The following DET1 variants were observed in gnomAD, a reference collection of about 807,000 sequenced individuals.
The protein encoded by DET1 is DET1 partner of COP1 E3 ubiquitin ligase.
Under a neutral mutation model 43.7 loss-of-function variants are expected in DET1, and 22 were observed. The ratio of observed to expected loss-of-function variants is 0.50; its 90% CI spans 0.36 to 0.72. The LOEUF (loss-of-function observed/expected upper bound fraction) is 0.72, where lower values mean the gene tolerates loss of function less well. Among genes scored for constraint, DET1 ranks in the 30% least tolerant of loss-of-function variants. The pLI is 0.00. For synonymous variants in DET1, 315 were observed against 266.2 expected, an observed-to-expected ratio of 1.18 and a Z score of -1.79; for missense variants, 713 against 713.3, an observed-to-expected ratio of 1.00 and a Z score of 0.00.
intron 1 of DET1, chr15:88,536,354 G>A (rs1299458588): frequency 1.3e-6 from 1 of 779,026 alleles, no homozygotes. Context: ...CAGGGAACTG[G>A]TCTAATTCCT....
intron 3 of DET1, among the ~76,000 whole-genome samples, chr15:88,524,955 T>TA (rs963595303): frequency 6.6e-6 from 1 of 151,632 alleles, no homozygotes; most frequent in Non-Finnish European, 1.5e-5. Context: ...TAAATACTAT[T>TA]AAAAAAAAAT....
chr15:88,542,651 A>C (rs2057140558), intron 1 of DET1, among the ~76,000 whole-genome samples: 3 of 152,186 alleles, frequency 2.0e-5, no homozygotes, highest in African/African-American at 7.2e-5. Context: ...GAGTATGAAA[A>C]CAGAAACAAG....
intron 7 of DET1, among the ~76,000 whole-genome samples, chr15:88,505,975 A>T (rs1400999372): frequency 6.6e-6 from 1 of 152,118 alleles, no homozygotes; most frequent in African/African-American, 2.4e-5. Context: ...ATGGGTGGGC[A>T]GGGGTTGGGC....
intron 1 of DET1, among the ~76,000 whole-genome samples, chr15:88,535,519 G>T (rs1473360042): frequency 6.6e-6 from 1 of 152,150 alleles, no homozygotes; most frequent in Non-Finnish European, 1.5e-5. Flanking sequence ...ACTTTGGGAG[G>T]CTGAGATGGG....
chr15:88,540,280 C>G (rs1028319441), intron 1 of DET1, among the ~76,000 whole-genome samples: 1 of 152,156 alleles, frequency 6.6e-6, no homozygotes, highest in Non-Finnish European at 1.5e-5. Flanking sequence ...AGGCTGGCCT[C>G]TAGTCCCCCT....
At chr15:88,538,169 T>C (rs771878420) in intron 1 of DET1, among the ~76,000 whole-genome samples, 45 of 152,088 alleles carry the variant, frequency 3.0e-4, no homozygotes, top group Non-Finnish European at 3.8e-4. Context: ...AACTCTGTTT[T>C]TAGACTCTCC....
chr15:88,515,809 G>T (rs1290904941), intron 4 of DET1, among the ~76,000 whole-genome samples: 1 of 151,948 alleles, frequency 6.6e-6, no homozygotes, highest in Non-Finnish European at 1.5e-5. Context: ...GGGAGTAGGG[G>T]TCGTGATGGA....
chr15:88,523,118 AG>A (rs2056547829), intron 3 of DET1, among the ~76,000 whole-genome samples: 6 of 151,156 alleles, frequency 4.0e-5, no homozygotes, highest in Admixed American at 2.0e-4. Context: ...TCAAGCGATC[AG>A]TCCACGCCAA....
At chr15:88,533,677 CACAA>C (rs1413771362) in intron 1 of DET1, among the ~76,000 whole-genome samples, 6 of 151,718 alleles carry the variant, frequency 4.0e-5, no homozygotes, top group Admixed American at 1.3e-4. Context: ...ATAAGCCAAT[CACAA>C]ACAGACAAAT....
chr15:88,506,233 C>T (rs1198473657), intron 7 of DET1, among the ~76,000 whole-genome samples: 1 of 152,198 alleles, frequency 6.6e-6, no homozygotes, highest in Non-Finnish European at 1.5e-5. Context: ...AGAGGAGAAA[C>T]AGACGTGCTA....
chr15:88,531,942 C>T lies in DET1; in HGVS notation c.-10-227G>A. ...GGATCTAGTTCACTAGGAATACCTTCCAAGTATGCTCAGCTGTTGGGAAAG... is the reference window on the plus strand; with the variant it reads ...GGATCTAGTTCACTAGGAATACCTTTCAAGTATGCTCAGCTGTTGGGAAAG... On this transcript the variant is annotated intron_variant, in intron 1 of 4. Coordinates refer to ENST00000268148, the MANE Select transcript of DET1 (RefSeq NM_001144074.3). This position sits in a 1 kb window ranked among gnomAD's most constrained non-coding sequence, Gnocchi z 6.2. 2.0e-6 allele frequency: 1 copy of T among 504,850 alleles called. No homozygotes were observed. 31.3% of individuals were successfully genotyped at this position (504,850 alleles called of 1,614,324 possible). A position where few individuals can be genotyped will look rare whatever the true frequency, so the allele number is the denominator to read the frequency against.
chr15:88,525,703 C>T (rs1380676185), intron 3 of DET1, among the ~76,000 whole-genome samples: 1 of 151,994 alleles, frequency 6.6e-6, no homozygotes, highest in East Asian at 1.9e-4. Context: ...GCTCTGTCAC[C>T]CAGGCTGGAG....
downstream of DET1, among the ~76,000 whole-genome samples, chr15:88,508,276 C>T (rs554004331): frequency 1.3e-4 from 20 of 152,268 alleles, no homozygotes; most frequent in Admixed American, 2.6e-4. Flanking sequence ...TTCCCCTGTG[C>T]CCAACCTGTG....
intron 3 of DET1, among the ~76,000 whole-genome samples, chr15:88,517,274 G>A (rs938587952): frequency 6.9e-6 from 1 of 144,928 alleles, no homozygotes. Flanking sequence ...TGCCCAGGCT[G>A]GAGTACAGTG....
intron 2 of DET1, among the ~76,000 whole-genome samples, chr15:88,530,301 G>T (rs971341181): frequency 6.6e-6 from 1 of 152,162 alleles, no homozygotes; most frequent in African/African-American, 2.4e-5. Context: ...ATCAAGGGAG[G>T]TTATCCATAA....
At chr15:88,514,525 A>C (rs1306655037) in intron 4 of DET1, among the ~76,000 whole-genome samples, 1 of 152,246 alleles carries the variant, frequency 6.6e-6, no homozygotes, top group Non-Finnish European at 1.5e-5. Context: ...TAATGTAAAA[A>C]TGTAGAAAGA....
intron 1 of DET1, among the ~76,000 whole-genome samples, chr15:88,539,434 C>A (rs1373981257): frequency 6.7e-6 from 1 of 148,400 alleles, no homozygotes; most frequent in Non-Finnish European, 1.5e-5. Context: ...CGGGAGGGCC[C>A]CCCCTTGTCT....
At chr15:88,513,554 ACATTT>A (rs1304008199) in intron 4 of DET1, among the ~76,000 whole-genome samples, 2 of 152,072 alleles carry the variant, frequency 1.3e-5, no homozygotes, top group Non-Finnish European at 2.9e-5. Context: ...TTTTAATAAT[ACATTT>A]CATTTACTCC....
At chr15:88,519,799 A>G (rs1359091830) in intron 3 of DET1, among the ~76,000 whole-genome samples, 3 of 152,102 alleles carry the variant, frequency 2.0e-5, no homozygotes, top group Non-Finnish European at 4.4e-5. Flanking sequence ...GAAAAAACAT[A>G]CAATGCTCAC....
Sources: gnomAD v4.1 joint callset for allele counts (sites outside exome capture counted in the v4.1 genomes callset) on GRCh38, gnomAD v4.1.1 for gene constraint, Gnocchi (gnomAD v3.1) non-coding constraint, MANE v1.5 for transcripts, NCBI Gene and HGNC (gene_info 2026-07-23, HGNC 2026-07-21) for gene names.